The following CENPM variants were observed in gnomAD, a reference collection of about 807,000 sequenced individuals.
CENPM encodes interphase centromere complex protein 39.
A neutral mutation model predicts 19.6 loss-of-function variants in CENPM; 14 were observed. The ratio of observed to expected loss-of-function variants is 0.71; its 90% confidence interval spans 0.47 to 1.11. The LOEUF is 1.11. Among genes scored for constraint, CENPM ranks in the 50% most tolerant of loss-of-function variants. CENPM has a pLI of 0.00. For synonymous variants in CENPM, 114 were observed against 101.5 expected, an observed-to-expected ratio of 1.12 and a Z score of -0.74; for missense variants, 239 against 228.4, an observed-to-expected ratio of 1.05 and a Z score of -0.30.
At chr22:41,945,141 C>A in intron 4 of CENPM, 84 bp downstream of exon 4, 1 of 1,601,314 alleles carries the variant, frequency 6.2e-7, no homozygotes, top group East Asian at 2.2e-5. Context: ...TTCCATCACC[C>A]AGGGTGCCTC....
rs189750869 is a variant in CENPM, at chr22:41,946,992, C to T, written c.57+28G>A. The T allele has an allele frequency of 4.8e-4, 770 of 1,610,926 alleles. 2 individuals are homozygous for T. The African/African-American group carries it at 8.8e-3, about 18-fold the overall frequency. The stretch of plus-strand genomic sequence containing the variant: ...AGCACCGCCCAGGAGGAAAAACCGG[C>T]GGGGGAAGCAGGGCCGCCTGCACCT... On this transcript the variant is annotated intron_variant, in intron 1 of 5. Transcript: ENST00000215980.
downstream of CENPM, among the ~76,000 whole-genome samples, chr22:41,934,732 C>T (rs977404921): frequency 5.9e-5 from 9 of 152,204 alleles, no homozygotes; most frequent in African/African-American, 1.2e-4. Flanking sequence ...AGAAAGGCAT[C>T]GGTTAGCCTG....
At chr22:41,945,100 T>C (rs750229235) in intron 4 of CENPM, 125 bp downstream of exon 4, 2 of 1,548,942 alleles carry the variant, frequency 1.3e-6, no homozygotes, top group Non-Finnish European at 8.7e-7. Flanking sequence ...CACCCTCCGA[T>C]AGGCCCCAGT....
At chr22:41,943,773 G>C (rs913468550) in intron 4 of CENPM, 72 bp from the exon 5 acceptor site, 105 of 1,370,092 alleles carry the variant, frequency 7.7e-5, no homozygotes, top group Non-Finnish European at 1.0e-4. Flanking sequence ...GTGCTGGGCA[G>C]AGTCACTCAC....
At chr22:41,939,628 C>T (rs2146602019) in intron 5 of CENPM, among the ~76,000 whole-genome samples, 1 of 151,498 alleles carries the variant, frequency 6.6e-6, no homozygotes, top group South Asian at 2.1e-4. Flanking sequence ...CAGCGGGTGG[C>T]CCTCACCACA....
downstream of CENPM, among the ~76,000 whole-genome samples, chr22:41,937,655 G>C (rs2077689446): frequency 6.6e-6 from 1 of 152,134 alleles, no homozygotes; most frequent in African/African-American, 2.4e-5. Flanking sequence ...AGGCATGGGG[G>C]GTCACACAGT....
At chr22:41,944,044 G>A in intron 4 of CENPM, 1 of 940,118 alleles carries the variant, frequency 1.1e-6, no homozygotes, top group Non-Finnish European at 1.3e-6. Flanking sequence ...AGACAGGTCA[G>A]ACACCTCATG....
In CENPM at chr22:41,938,857, G is replaced by T. The variant is rs2077697727; in HGVS notation, c.*199C>A. On this transcript the variant is annotated 3_prime_UTR_variant, in exon 6 of 6. Transcript: ENST00000215980. ...AAGAGTGAGTGTGGGAGTGGGAGGG[G>T]GCTACAGTCTCGCCAGCTGGGCCCC... 6 of 582,612 alleles carry T rather than the reference G, an allele frequency of 1.0e-5. No individual in the cohort carries two copies. Among genetic ancestry groups the T allele is most frequent in the Non-Finnish European group, 1.8e-5 (6 of 335,388 alleles). 36.1% of individuals were successfully genotyped at this position (582,612 alleles called of 1,614,324 possible).
chr22:41,928,622 G>C, the CENPM span, among the ~76,000 whole-genome samples: 1 of 152,164 alleles, frequency 6.6e-6, no homozygotes, highest in Non-Finnish European at 1.5e-5. The surrounding 1 kb of genome is among the most constrained non-coding windows in gnomAD (Gnocchi z 4.0). Flanking sequence ...GAGGGCTGCA[G>C]GGGCTAAGGC....
intron 5 of CENPM, chr22:41,940,033 C>T: frequency 1.5e-6 from 1 of 663,954 alleles, no homozygotes; most frequent in Non-Finnish European, 2.8e-6. Context: ...AGCCCTCCAG[C>T]AGCTCCCCAC....
the CENPM span, among the ~76,000 whole-genome samples, chr22:41,930,055 T>C: frequency 6.8e-6 from 1 of 146,316 alleles, no homozygotes; most frequent in African/African-American, 2.5e-5. Context: ...GCCATTCTCC[T>C]GCCTCAGCCT....
intron 4 of CENPM, chr22:41,944,780 TTA>T (rs1491447771): frequency 1.0e-6 from 1 of 1,000,932 alleles, no homozygotes; most frequent in South Asian, 4.2e-5. Flanking sequence ...GCAAAGTGTT[TTA>T]TGTCTTTAGA....
At chr22:41,928,944 C>G in the CENPM span, among the ~76,000 whole-genome samples, 1 of 152,034 alleles carries the variant, frequency 6.6e-6, no homozygotes, top group African/African-American at 2.4e-5. The surrounding 1 kb of genome is among the most constrained non-coding windows in gnomAD (Gnocchi z 4.0). Context: ...CCTGAAGGTT[C>G]ACAAAGAACC....
intron 5 of CENPM, among the ~76,000 whole-genome samples, chr22:41,942,399 C>A (rs1387381954): frequency 1.3e-5 from 2 of 152,082 alleles, no homozygotes; most frequent in African/African-American, 4.8e-5. Context: ...TCGCTTGAGG[C>A]CAGGAGTTCA....
Position 41,943,813 on chromosome 22 carries a change from A to C in CENPM, c.311-112T>G. On this transcript the variant is annotated intron_variant, in intron 4 of 5. Coordinates refer to ENST00000215980, the MANE Select transcript of CENPM (RefSeq NM_024053.5). ...CCACTCTGGGGCTCAGTTTCTTTCT[A>C]GTCGCGAGGGTGACAGTCCTATTCT... is the stretch of plus-strand genomic sequence containing the variant. 4.5e-6 allele frequency: 4 copies of C among 884,468 alleles called. No individual in the cohort carries two copies. In the South Asian group the frequency reaches 7.1e-5, roughly 16 times the overall value. The allele number at this position is 884,468 out of a possible 1,614,324, so 54.8% of individuals were successfully genotyped here. A position where few individuals can be genotyped will look rare whatever the true frequency, so the allele number is the denominator to read the frequency against.
intron 4 of CENPM, 151 bp from the exon 5 acceptor site, chr22:41,943,852 G>T: frequency 1.5e-6 from 1 of 676,724 alleles, no homozygotes; most frequent in Non-Finnish European, 2.4e-6. Context: ...TTCTTTTCTA[G>T]GTAGTCAAGA....
chr22:41,939,775 C>CG (rs2077710295), intron 5 of CENPM, among the ~76,000 whole-genome samples: 3 of 2,210 alleles, frequency 1.4e-3, no homozygotes, highest in African/African-American at 9.1e-3. Flanking sequence ...GTGTCTGTCT[C>CG]AAAAAAGAAA....
chr22:41,939,868 GAAAGAAAGAA>G (rs1569425890), intron 5 of CENPM, among the ~76,000 whole-genome samples: 1 of 9,296 alleles, frequency 1.1e-4, no homozygotes, highest in African/African-American at 4.9e-4. Context: ...AAGAAAGAAA[GAAAGAAAGAA>G]AAAGAAAGAA....
chr22:41,946,353 G>T, intron 2 of CENPM, 64 bp downstream of exon 2: 2 of 1,395,212 alleles, frequency 1.4e-6, no homozygotes, highest in Non-Finnish European at 2.0e-6. Context: ...GAGTTTAGCA[G>T]CTAGGACCGA....
Sources: allele counts gnomAD v4.1 joint callset (sites outside exome capture counted in the v4.1 genomes callset), GRCh38; gene constraint gnomAD v4.1.1; non-coding constraint Gnocchi (gnomAD v3.1); transcripts MANE v1.5; gene names NCBI Gene and HGNC (gene_info 2026-07-23, HGNC 2026-07-21).